Variants in RUNDC3B observed in about 807,000 individuals in gnomAD.
The protein encoded by RUNDC3B is RUN domain containing 3B, also known as RUN domain-containing protein 3B.
Under a neutral mutation model 58.4 loss-of-function variants are expected in RUNDC3B, and 33 were observed. The ratio of observed to expected loss-of-function variants is 0.56; its 90% CI spans 0.43 to 0.75. RUNDC3B has a LOEUF of 0.75. Ranked by LOEUF, RUNDC3B falls within the 30% of genes least tolerant of loss-of-function variation. The pLI, the probability that RUNDC3B is intolerant of heterozygous loss-of-function variation, is 0.00. For missense variants in RUNDC3B, 501 were observed against 535.7 expected (o/e 0.94, Z 0.64); for synonymous variants, 193 against 195.2 (o/e 0.99, Z 0.10).
chr7:87,631,987 A>G (rs1821269489), intron 1 of RUNDC3B, among the ~76,000 whole-genome samples: 1 of 152,222 alleles, frequency 6.6e-6, no homozygotes. Context: ...ATGATAAGAT[A>G]AATGTTTATA....
intron 2 of RUNDC3B, among the ~76,000 whole-genome samples, chr7:87,699,424 T>C (rs993434628): frequency 2.6e-5 from 4 of 152,118 alleles, no homozygotes; most frequent in Admixed American, 6.6e-5. Flanking sequence ...TCTTTTTTTT[T>C]ACAGAGTCCT....
intron 2 of RUNDC3B, among the ~76,000 whole-genome samples, chr7:87,683,798 C>T (rs1035489374): frequency 1.3e-5 from 2 of 152,050 alleles, no homozygotes; most frequent in African/African-American, 2.4e-5. Context: ...AAAATTGCAC[C>T]GAAAGACTTG....
At chr7:87,764,353 C>T (rs1403452025) in intron 6 of RUNDC3B, among the ~76,000 whole-genome samples, 1 of 151,820 alleles carries the variant, frequency 6.6e-6, no homozygotes, top group African/African-American at 2.4e-5. Context: ...AAATCAATAG[C>T]TTTATTAGCT....
intron 2 of RUNDC3B, among the ~76,000 whole-genome samples, chr7:87,698,032 A>T (rs1481837150): frequency 1.3e-5 from 2 of 152,334 alleles, no homozygotes; most frequent in East Asian, 3.9e-4. Context: ...AAAGTGATGG[A>T]GAGAGATTAA....
chr7:87,694,698 G>A (rs537274229), intron 2 of RUNDC3B, among the ~76,000 whole-genome samples: 6 of 151,586 alleles, frequency 4.0e-5, no homozygotes, highest in African/African-American at 9.7e-5. Flanking sequence ...GACTTCAGCC[G>A]TCATGTACGA....
intron 8 of RUNDC3B, among the ~76,000 whole-genome samples, chr7:87,784,461 G>A (rs1414192685): frequency 6.6e-6 from 1 of 151,926 alleles, no homozygotes; most frequent in African/African-American, 2.4e-5. Context: ...GGTTGGCTTT[G>A]TTTTTGTGTC....
chr7:87,749,348 G>A (rs1832829470), intron 6 of RUNDC3B, among the ~76,000 whole-genome samples: 1 of 151,988 alleles, frequency 6.6e-6, no homozygotes, highest in African/African-American at 2.4e-5. Flanking sequence ...GCCACTTTTT[G>A]TCTGAATTTT....
Position 87,829,979 on chromosome 7 carries a change from C to T in RUNDC3B, c.1320C>T (p.Tyr440=), listed in dbSNP as rs780246287. Reference sequence around the variant, plus strand: ...TAACAAGCTTAAAATCTAATGACTACCTTGCAAGTCCTACAACAGAGATGA... The same window carrying T: ...TAACAAGCTTAAAATCTAATGACTATCTTGCAAGTCCTACAACAGAGATGA... ...KSLTSLKSND[Y]LASPTTEMTS... is the part of the protein sequence containing the mutation. Residue 440 remains tyrosine, a synonymous_variant, in exon 11 of 11, where the codon TAC becomes TAT. Coordinates refer to ENST00000394654, the MANE Select transcript of RUNDC3B (RefSeq NM_001134405.2). 5 of 1,609,878 alleles carry T rather than the reference C, an allele frequency of 3.1e-6. No homozygotes were observed. The highest frequency in any genetic ancestry group is 2.2e-5 in the East Asian group (1 of 44,638).
Position 87,824,001 on chromosome 7 carries a change from A to G in RUNDC3B, c.1226-5884A>G, listed in dbSNP as rs573623821. On this transcript the variant is annotated intron_variant, in intron 10 of 10. Transcript: ENST00000394654. ...CCACCCAGGAAAACAATAGTGAAGC[A>G]GGAAAAAAGATGTTATAAAGCCATA... is the stretch of plus-strand genomic sequence containing the variant. Among the ~76,000 whole-genome samples the G allele has an allele frequency of 8.5e-5, 13 of 152,322 alleles. 1 individual carries two copies. Among genetic ancestry groups the G allele is most frequent in the African/African-American group, 3.1e-4 (13 of 41,570 alleles).
chr7:87,667,160 T>C (rs1422247977), intron 2 of RUNDC3B, among the ~76,000 whole-genome samples: 2 of 152,126 alleles, frequency 1.3e-5, no homozygotes, highest in Non-Finnish European at 2.9e-5. Flanking sequence ...CTCTGATTTC[T>C]TTGAGCAGGG....
intron 7 of RUNDC3B, among the ~76,000 whole-genome samples, chr7:87,771,683 G>A (rs375949012): frequency 6.6e-6 from 1 of 152,178 alleles, no homozygotes; most frequent in East Asian, 1.9e-4. Context: ...CCAGGGATGG[G>A]GGTGAAGGCA....
chr7:87,799,313 C>T (rs925739465), intron 8 of RUNDC3B, among the ~76,000 whole-genome samples: 2 of 152,172 alleles, frequency 1.3e-5, no homozygotes, highest in African/African-American at 2.4e-5. Flanking sequence ...GATACCTCTT[C>T]CAAAGTAGTA....
intron 1 of RUNDC3B, among the ~76,000 whole-genome samples, chr7:87,649,529 T>A (rs1020396570): frequency 6.6e-6 from 1 of 152,224 alleles, no homozygotes; most frequent in African/African-American, 2.4e-5. Context: ...TGCAGGTGGA[T>A]AATTCTCCAT....
intron 7 of RUNDC3B, among the ~76,000 whole-genome samples, chr7:87,771,065 C>A (rs1834252480): frequency 6.6e-6 from 1 of 152,106 alleles, no homozygotes; most frequent in African/African-American, 2.4e-5. Flanking sequence ...GCAGTGATTG[C>A]CTAAGCACGT....
At chr7:87,646,072 C>T (rs750249191) in intron 1 of RUNDC3B, among the ~76,000 whole-genome samples, 6 of 152,062 alleles carry the variant, frequency 3.9e-5, no homozygotes, top group Admixed American at 1.3e-4. Context: ...ATTTGGACTT[C>T]GCTTTTGTTT....
intron 6 of RUNDC3B, among the ~76,000 whole-genome samples, chr7:87,766,184 T>A (rs924336348): frequency 6.6e-6 from 1 of 152,156 alleles, no homozygotes; most frequent in Non-Finnish European, 1.5e-5. Flanking sequence ...TGTAAGTGTA[T>A]TTACCTGTTA....
At chr7:87,791,370 A>ACAT (rs1835513992) in intron 8 of RUNDC3B, among the ~76,000 whole-genome samples, 1 of 152,186 alleles carries the variant, frequency 6.6e-6, no homozygotes, top group African/African-American at 2.4e-5. Context: ...GATGTTAATG[A>ACAT]GTAAGAAGAA....
chr7:87,684,062 A>G (rs961293552), intron 2 of RUNDC3B, among the ~76,000 whole-genome samples: 3 of 152,238 alleles, frequency 2.0e-5, no homozygotes, highest in African/African-American at 7.2e-5. Context: ...TAATAGGTGC[A>G]TAGAAAAGCA....
chr7:87,724,488 C>T (rs1047057271), intron 4 of RUNDC3B, among the ~76,000 whole-genome samples: 4 of 151,868 alleles, frequency 2.6e-5, no homozygotes, highest in Admixed American at 2.6e-4. Context: ...TTTAGTTTTA[C>T]AAACCAGAAT....
Sources: allele counts gnomAD v4.1 joint callset (sites outside exome capture counted in the v4.1 genomes callset), GRCh38; gene constraint gnomAD v4.1.1; transcripts MANE v1.5; gene names NCBI Gene and HGNC (gene_info 2026-07-23, HGNC 2026-07-21).